Variants in HSPBAP1 observed in about 807,000 individuals in gnomAD.
HSPBAP1 encodes HSPB1-associated protein 1.
Under a neutral mutation model 45.2 loss-of-function variants are expected in HSPBAP1, and 27 were observed. The observed-to-expected ratio is 0.60, with a 90% CI of 0.44 to 0.82. The LOEUF is 0.82. HSPBAP1 is among the 40% of genes least tolerant of loss of function. The pLI is 0.00. For missense variants in HSPBAP1, 510 were observed against 590.9 expected (o/e 0.86, Z 1.42); for synonymous variants, 204 against 202.7 (o/e 1.01, Z -0.06).
intron 2 of HSPBAP1, among the ~76,000 whole-genome samples, chr3:122,772,492 T>C (rs1935037148): frequency 6.6e-6 from 1 of 152,062 alleles, no homozygotes; most frequent in Non-Finnish European, 1.5e-5. Context: ...TACAAGAATA[T>C]AGTAAAATAA....
At chr3:122,771,386 T>C (rs1934990400) in intron 2 of HSPBAP1, among the ~76,000 whole-genome samples, 1 of 152,236 alleles carries the variant, frequency 6.6e-6, no homozygotes, top group Non-Finnish European at 1.5e-5. Flanking sequence ...TCTAGGCAAC[T>C]ATAATGTTCA....
intron 5 of HSPBAP1, chr3:122,753,951 T>G: frequency 1.1e-6 from 1 of 949,378 alleles, no homozygotes; most frequent in Non-Finnish European, 1.3e-6. Flanking sequence ...CTCTCTGGAA[T>G]GGCTGTAAAA....
intron 1 of HSPBAP1, among the ~76,000 whole-genome samples, chr3:122,780,413 G>T (rs1458367107): frequency 2.3e-5 from 3 of 128,336 alleles, no homozygotes; most frequent in African/African-American, 6.0e-5. Context: ...GGACGGGGCG[G>T]CTGGCCGGGC....
chr3:122,742,780 T>C (rs1199519488), intron 6 of HSPBAP1, among the ~76,000 whole-genome samples: 1 of 152,210 alleles, frequency 6.6e-6, no homozygotes, highest in Non-Finnish European at 1.5e-5. Flanking sequence ...AGAAGTCCTA[T>C]GTGAGTTTCC....
At chr3:122,742,015 G>T (rs1933688576) in intron 6 of HSPBAP1, among the ~76,000 whole-genome samples, 1 of 151,874 alleles carries the variant, frequency 6.6e-6, no homozygotes, top group Non-Finnish European at 1.5e-5. Flanking sequence ...ACCACTCTGA[G>T]ATTTATACAC....
In HSPBAP1 at chr3:122,752,866, G is replaced by A. The variant is rs978387210; in HGVS notation, c.742-192C>T. 11 of 1,346,948 alleles carry A rather than the reference G, an allele frequency of 8.2e-6. No homozygotes were observed. In the African/African-American group the frequency reaches 1.6e-4, roughly 20 times the overall value. 83.4% of individuals were successfully genotyped at this position (1,346,948 alleles called of 1,614,324 possible). On this transcript the variant is annotated intron_variant, in intron 5 of 7. Coordinates refer to ENST00000306103, the MANE Select transcript of HSPBAP1 (RefSeq NM_024610.6). ...CCTTTTATTCCTTTTTTATTGACAA[G>A]TTCACATGTTCTACAAAGGATACTG...
intron 1 of HSPBAP1, among the ~76,000 whole-genome samples, chr3:122,780,589 T>C (rs1306439719): frequency 7.2e-6 from 1 of 138,178 alleles, no homozygotes; most frequent in Non-Finnish European, 1.5e-5. Flanking sequence ...ACGGGGCGGC[T>C]GGCCGGGCGG....
chr3:122,740,697 C>T lies in HSPBAP1; in HGVS notation c.1115G>A (p.Ser372Asn). 3 of 1,614,054 alleles carry T rather than the reference C, an allele frequency of 1.9e-6. No individual in the cohort carries two copies. Among genetic ancestry groups the T allele is most frequent in the Non-Finnish European group, 2.5e-6 (3 of 1,180,034 alleles). Residue 372 changes from serine (S) to asparagine (N), a missense_variant, in exon 8 of 8, where the codon AGC (serine) becomes AAC (asparagine). Coordinates refer to ENST00000306103, the MANE Select transcript of HSPBAP1 (RefSeq NM_024610.6). The part of the protein sequence containing the change: ...CNHMEVGQTG[S>N]QNLTTGTDKP... ...GTCTGTTCCTGTGGTCAAGTTCTGG[C>T]TACCTGTTTGGCCCACCTCCATGTG... is the stretch of plus-strand genomic sequence containing the variant.
rs775052560 is a variant in HSPBAP1, at chr3:122,740,561, A to G, written c.1251T>C (p.Phe417=). Residue 417 remains phenylalanine, a synonymous_variant, in exon 8 of 8, where the codon TTT becomes TTC. Transcript: ENST00000306103. ...GGIFGSDGKD[F]VDKDGEHFGK... is the part of the protein sequence containing the mutation. ...CAAAGTGTTCTCCATCCTTGTCCAC[A>G]AAGTCTTTCCCATCACTTCCAAATA... The G allele has an allele frequency of 1.2e-6, 2 of 1,614,172 alleles. No homozygotes were observed. The highest frequency in any genetic ancestry group is 1.7e-5 in the Admixed American group (1 of 60,020).
intron 3 of HSPBAP1, among the ~76,000 whole-genome samples, chr3:122,765,138 T>C (rs1934730425): frequency 1.3e-5 from 2 of 152,240 alleles, no homozygotes; most frequent in African/African-American, 4.8e-5. Context: ...TTTCTGTTTA[T>C]GTACCTAAGG....
intron 4 of HSPBAP1, 81 bp downstream of exon 4, chr3:122,759,143 A>C (rs867240785): frequency 2.0e-6 from 3 of 1,499,682 alleles, no homozygotes; most frequent in Non-Finnish European, 2.7e-6. Context: ...GTATTGCCCT[A>C]TTCTCTCTGC....
intron 1 of HSPBAP1, among the ~76,000 whole-genome samples, chr3:122,780,741 G>T (rs1935422468): frequency 6.7e-6 from 1 of 150,154 alleles, no homozygotes; most frequent in East Asian, 2.0e-4. Context: ...GGGCGGAGGG[G>T]CTCCTCACTT....
At chr3:122,752,827 C>G in intron 5 of HSPBAP1, 153 bp from the exon 6 acceptor site, 1 of 1,391,744 alleles carries the variant, frequency 7.2e-7, no homozygotes, top group Non-Finnish European at 9.3e-7. Flanking sequence ...AAAAAAACCC[C>G]GCAAACCTTT....
intron 4 of HSPBAP1, 98 bp from the exon 5 acceptor site, chr3:122,755,529 A>G: frequency 1.1e-6 from 1 of 920,988 alleles, no homozygotes; most frequent in South Asian, 2.1e-5. Context: ...TTACTTGTTT[A>G]AATTCAATCC....
chr3:122,743,839 C>T (rs2107495652), intron 6 of HSPBAP1, among the ~76,000 whole-genome samples: 1 of 152,122 alleles, frequency 6.6e-6, no homozygotes, highest in East Asian at 1.9e-4. Context: ...GAACACAGCA[C>T]AAATGCAAGT....
intron 3 of HSPBAP1, among the ~76,000 whole-genome samples, chr3:122,765,641 A>G (rs1457638719): frequency 6.6e-6 from 1 of 152,040 alleles, no homozygotes; most frequent in Non-Finnish European, 1.5e-5. Flanking sequence ...AAAGCTTCCT[A>G]ACACTATTTT....
intron 4 of HSPBAP1, chr3:122,758,896 C>CA (rs11369405): frequency 0.34 from 67,959 of 198,738 alleles, 13,819 homozygotes; most frequent in Non-Finnish European, 0.4. Flanking sequence ...TCTAATTTAC[C>CA]AAAAAAAAAA....
intron 1 of HSPBAP1, among the ~76,000 whole-genome samples, chr3:122,785,397 C>T (rs1432817342): frequency 6.6e-6 from 1 of 152,118 alleles, no homozygotes; most frequent in Non-Finnish European, 1.5e-5. Context: ...GCAAGAATTG[C>T]CCCCATCCCT....
At chr3:122,756,595 G>A (rs1436716296) in intron 4 of HSPBAP1, among the ~76,000 whole-genome samples, 1 of 151,952 alleles carries the variant, frequency 6.6e-6, no homozygotes, top group African/African-American at 2.4e-5. Flanking sequence ...CTACTCAGGA[G>A]GCTGAGGTGG....
Sources: allele counts gnomAD v4.1 joint callset (sites outside exome capture counted in the v4.1 genomes callset), GRCh38; gene constraint gnomAD v4.1.1; transcripts MANE v1.5; gene names NCBI Gene and HGNC (gene_info 2026-07-23, HGNC 2026-07-21).